The following AFTPH variants were observed in gnomAD, a reference collection of about 807,000 sequenced individuals.
AFTPH encodes the protein aftiphilin.
A neutral mutation model predicts 72.5 loss-of-function variants in AFTPH; 7 were observed. That is an observed-to-expected ratio of 0.10 (90% CI 0.05 to 0.18). The LOEUF (loss-of-function observed/expected upper bound fraction) is 0.18, where lower values mean the gene tolerates loss of function less well. AFTPH is among the 10% of genes least tolerant of loss of function. The probability of loss-of-function intolerance (pLI) is 1.00; values close to 1 mark genes in which losing one functional copy is unlikely to be tolerated. For synonymous variants in AFTPH, 337 were observed against 370.1 expected (o/e 0.91, Z 1.03); for missense variants, 979 against 1,060.5 (o/e 0.92, Z 1.07).
At chr2:64,576,074 TACACACAC>T (rs55774717) in intron 6 of AFTPH, among the ~76,000 whole-genome samples, 1,817 of 127,730 alleles carry the variant, frequency 0.014, 12 homozygotes, top group Middle Eastern at 0.039. Flanking sequence ...TTTGGCATGC[TACACACAC>T]ACACACACAC....
At chr2:64,543,836 C>G (rs983691925) in intron 1 of AFTPH, among the ~76,000 whole-genome samples, 1 of 152,214 alleles carries the variant, frequency 6.6e-6, no homozygotes, top group Non-Finnish European at 1.5e-5. Flanking sequence ...CCAGAGCTTA[C>G]AACTTACAGA....
intron 2 of AFTPH, among the ~76,000 whole-genome samples, chr2:64,563,341 A>T (rs184626629): frequency 6.6e-6 from 1 of 152,202 alleles, no homozygotes; most frequent in Admixed American, 6.5e-5. Context: ...ATTTTTGAAA[A>T]ACAAATTTGA....
chr2:64,552,291 C>G, exon 2 of AFTPH: 1 of 1,614,058 alleles, frequency 6.2e-7, no homozygotes, highest in Non-Finnish European at 8.5e-7. Flanking sequence ...AGTCAATGAA[C>G]TGAATTCTGT....
At chr2:64,541,116 A>C (rs1670225500) in intron 1 of AFTPH, among the ~76,000 whole-genome samples, 1 of 151,794 alleles carries the variant, frequency 6.6e-6, no homozygotes, top group Non-Finnish European at 1.5e-5. Flanking sequence ...CATCTTTAAA[A>C]TGAAGCATTT....
At chr2:64,532,049 A>G (rs908705380) in intron 1 of AFTPH, among the ~76,000 whole-genome samples, 5 of 152,356 alleles carry the variant, frequency 3.3e-5, no homozygotes, top group Admixed American at 1.3e-4. Context: ...ATCACAAACT[A>G]TAACTTACTA....
intron 6 of AFTPH, 115 bp downstream of exon 6, chr2:64,573,183 T>A (rs890664713): frequency 1.3e-6 from 1 of 774,808 alleles, no homozygotes; most frequent in African/African-American, 1.7e-5. Context: ...TAAAGCTTGA[T>A]TTAATGATGG....
At chr2:64,585,785 C>A (rs1673468088) in intron 8 of AFTPH, among the ~76,000 whole-genome samples, 1 of 149,736 alleles carries the variant, frequency 6.7e-6, no homozygotes, top group South Asian at 2.1e-4. Flanking sequence ...CTTCCCCCAC[C>A]CCCTGCCCCC....
At chr2:64,585,305 G>A (rs1434225757) in intron 7 of AFTPH, 117 bp from the exon 9 acceptor site, 2 of 1,248,718 alleles carry the variant, frequency 1.6e-6, no homozygotes, top group Non-Finnish European at 2.3e-6. Context: ...CTAAAGATAT[G>A]TTCTGTTTGT....
chr2:64,591,737 C>A, intron 8 of AFTPH, 151 bp from the exon 10 acceptor site: 1 of 785,368 alleles, frequency 1.3e-6, no homozygotes, highest in Non-Finnish European at 2.0e-6. Context: ...GCATACTGCA[C>A]AAAAGTATTA....
At chr2:64,539,814 TGTTGA>T (rs1328431817) in intron 1 of AFTPH, among the ~76,000 whole-genome samples, 2 of 152,070 alleles carry the variant, frequency 1.3e-5, no homozygotes, top group Non-Finnish European at 2.9e-5. Context: ...AGCCAGATTG[TGTTGA>T]GTTGAGGAGT....
At chr2:64,579,789 A>AAGCTTCTTTATTTTTT (rs1343239649) in intron 7 of AFTPH, 20 of 378,340 alleles carry the variant, frequency 5.3e-5, no homozygotes, top group Non-Finnish European at 7.9e-5. Flanking sequence ...AGTCAAAAGT[A>AAGCTTCTTTATTTTTT]AGCTTCTTTA....
chr2:64,530,087 T>C lies in AFTPH; in HGVS notation c.-33+5475T>C, dbSNP rs571458713. On this transcript the variant is annotated intron_variant, in intron 1 of 8. Transcript: ENST00000238856. ...AGGAGAATCACTTGAACCTGAGAGG[T>C]GGAGGTTGCAGTGAGCCAAGATCAT... Among the ~76,000 whole-genome samples, 256 of 152,070 alleles carry C rather than the reference T, an allele frequency of 1.7e-3. 4 individuals carry two copies. Among genetic ancestry groups the C allele is most frequent in the African/African-American group, 5.4e-3 (225 of 41,492 alleles).
At chr2:64,530,549 A>G (rs540951774) in intron 1 of AFTPH, among the ~76,000 whole-genome samples, 1 of 152,328 alleles carries the variant, frequency 6.6e-6, no homozygotes, top group East Asian at 1.9e-4. Context: ...GCACAAAGTA[A>G]CACTCAATAA....
chr2:64,564,200 T>G (rs1671914556), intron 2 of AFTPH, among the ~76,000 whole-genome samples: 1 of 152,180 alleles, frequency 6.6e-6, no homozygotes, highest in Non-Finnish European at 1.5e-5. Flanking sequence ...ATTGATAAAT[T>G]GAGATAAGTA....
intron 2 of AFTPH, among the ~76,000 whole-genome samples, chr2:64,564,628 T>TAA (rs200631493): frequency 0.36 from 51,852 of 145,496 alleles, 8,945 homozygotes; most frequent in South Asian, 0.4. Context: ...AAATAAAAAA[T>TAA]AAAAAATAAA....
chr2:64,571,202 C>T (rs1030308392), intron 5 of AFTPH, among the ~76,000 whole-genome samples: 2 of 151,950 alleles, frequency 1.3e-5, no homozygotes, highest in Admixed American at 6.6e-5. Context: ...GGTTCTCAAA[C>T]TTTAATGTAT....
chr2:64,581,179 T>C lies in AFTPH; in HGVS notation c.2455+1633T>C. On this transcript the variant is annotated intron_variant, in intron 7 of 8. Transcript: ENST00000238856. The stretch of plus-strand genomic sequence containing the variant: ...TGTGGCTGCCTACCAACACGGTCAC[T>C]GAATTTCAAGCTAGTGGAGGTTCCA... 1 of 1,583,210 alleles carries C rather than the reference T, an allele frequency of 6.3e-7. No homozygotes were observed. Among genetic ancestry groups the C allele is most frequent in the South Asian group, 1.2e-5 (1 of 86,238 alleles).
chr2:64,549,200 A>C (rs1670864510), intron 1 of AFTPH, among the ~76,000 whole-genome samples: 1 of 151,102 alleles, frequency 6.6e-6, no homozygotes, highest in African/African-American at 2.4e-5. Context: ...TGAATTTTGT[A>C]GTAAACATTT....
intron 1 of AFTPH, among the ~76,000 whole-genome samples, chr2:64,548,909 T>A (rs1670843556): frequency 6.6e-6 from 1 of 152,214 alleles, no homozygotes; most frequent in Non-Finnish European, 1.5e-5. Flanking sequence ...GAAGTAGATA[T>A]ATTACAATGG....
Sources: gnomAD v4.1 joint callset for allele counts (sites outside exome capture counted in the v4.1 genomes callset) on GRCh38, gnomAD v4.1.1 for gene constraint, MANE v1.5 for transcripts, NCBI Gene and HGNC (gene_info 2026-07-23, HGNC 2026-07-21) for gene names.